The following ABCC9 variants were observed in gnomAD, a reference collection of about 807,000 sequenced individuals.
The protein encoded by ABCC9 is ATP-binding cassette sub-family C member 9.
In ABCC9, 95 loss-of-function variants were observed where a neutral mutation model predicts 188.3. The observed-to-expected ratio is 0.50, with a 90% CI of 0.43 to 0.60. The LOEUF (loss-of-function observed/expected upper bound fraction) is 0.60, where lower values mean the gene tolerates loss of function less well. Ranked by LOEUF, ABCC9 falls within the 20% of genes least tolerant of loss-of-function variation. The pLI, the probability that ABCC9 is intolerant of heterozygous loss-of-function variation, is 0.00. For synonymous variants in ABCC9, 659 were observed against 652.7 expected, an observed-to-expected ratio of 1.01 and a Z score of -0.15; for missense variants, 1,102 against 1,876.3, an observed-to-expected ratio of 0.59 and a Z score of 7.62.
At chr12:21,848,011 T>C (rs1944771547) in intron 25 of ABCC9, 139 bp downstream of exon 25, 2 of 718,986 alleles carry the variant, frequency 2.8e-6, no homozygotes, top group Non-Finnish European at 4.9e-6. Context: ...TCCTATTGTT[T>C]CCATTTTCAG....
At chr12:21,901,701 CAAAG>C (rs1173260255) in intron 12 of ABCC9, among the ~76,000 whole-genome samples, 5 of 152,194 alleles carry the variant, frequency 3.3e-5, no homozygotes, top group Non-Finnish European at 5.9e-5. Flanking sequence ...TCAAAAGAGA[CAAAG>C]AAGGCCATTA....
chr12:21,845,970 G>A (rs184937039), intron 25 of ABCC9, 138 bp from the exon 26 acceptor site: 42 of 719,800 alleles, frequency 5.8e-5, no homozygotes, highest in Non-Finnish European at 7.9e-5. Flanking sequence ...AATGCTTTTA[G>A]TAGGGCAAAC....
intron 16 of ABCC9, among the ~76,000 whole-genome samples, chr12:21,876,496 A>C (rs930899122): frequency 1.3e-5 from 2 of 152,232 alleles, no homozygotes; most frequent in African/African-American, 4.8e-5. Flanking sequence ...GTTAAAAAAA[A>C]AGAGTAAAGA....
chr12:21,899,306 C>T (rs536245826), intron 12 of ABCC9, among the ~76,000 whole-genome samples: 92 of 152,288 alleles, frequency 6.0e-4, no homozygotes, highest in African/African-American at 2.2e-3. Flanking sequence ...TAACATCACA[C>T]ATAAGAATGC....
intron 13 of ABCC9, among the ~76,000 whole-genome samples, chr12:21,894,396 A>C (rs1167096868): frequency 1.3e-5 from 2 of 152,168 alleles, no homozygotes; most frequent in African/African-American, 4.8e-5. Flanking sequence ...GAAAGTTAGA[A>C]AAAAATTCTA....
chr12:21,883,004 G>A, intron 15 of ABCC9, 131 bp from the exon 16 acceptor site: 1 of 719,754 alleles, frequency 1.4e-6, no homozygotes, highest in South Asian at 1.6e-5. Context: ...TTATTTCAGT[G>A]ACTCCTTCAT....
rs549625494 is a variant in ABCC9 at position 21,832,639 on chromosome 12, C to T, written c.3567-3579G>A. ...AATAAAAAAAAAAAATAGATATTGA[C>T]GTGGTGAAAAGGGAACACATTTACA... is the stretch of plus-strand genomic sequence containing the variant. On this transcript the variant is annotated intron_variant, in intron 30 of 39. Transcript: ENST00000261200. Among the ~76,000 whole-genome samples the T allele has an allele frequency of 4.1e-4, 63 of 151,854 alleles. No homozygotes were observed. In the South Asian group the frequency reaches 4.2e-3, roughly 10 times the overall value.
intron 5 of ABCC9, among the ~76,000 whole-genome samples, chr12:21,920,350 C>T (rs1178462266): frequency 6.6e-6 from 1 of 151,968 alleles, no homozygotes; most frequent in Non-Finnish European, 1.5e-5. Flanking sequence ...CTTAGGAAAC[C>T]TACAAAGCAA....
intron 36 of ABCC9, 74 bp from the exon 37 acceptor site, chr12:21,810,029 T>G: frequency 1.1e-6 from 1 of 934,780 alleles, no homozygotes; most frequent in Non-Finnish European, 1.7e-6. Context: ...CTTATTGCTT[T>G]TCTTTCCTTA....
chr12:21,939,356 A>G (rs1949610796), intron 2 of ABCC9, among the ~76,000 whole-genome samples: 1 of 152,148 alleles, frequency 6.6e-6, no homozygotes, highest in Non-Finnish European at 1.5e-5. Flanking sequence ...GCCAGCCTCC[A>G]TTACAACCCA....
At chr12:21,822,828 A>T (rs561168313) in intron 31 of ABCC9, among the ~76,000 whole-genome samples, 1 of 151,240 alleles carries the variant, frequency 6.6e-6, no homozygotes, top group East Asian at 1.9e-4. Context: ...TAGGTCTCCG[A>T]TGTTCACTTC....
chr12:21,902,916 G>A (rs150109644), intron 12 of ABCC9, among the ~76,000 whole-genome samples: 5,328 of 152,278 alleles, frequency 0.035, 120 homozygotes, highest in Middle Eastern at 0.12. Context: ...TAGAAAAAGA[G>A]GGAATCCTCG....
chr12:21,844,468 A>C lies in ABCC9; in HGVS notation c.3315+15T>G. 1 of 1,607,118 alleles carries C rather than the reference A, an allele frequency of 6.2e-7. No individual in the cohort carries two copies. The highest frequency in any genetic ancestry group is 8.5e-7 in the Non-Finnish European group (1 of 1,173,694). ...GAAACTAATTTTTGAACTTGGAAGT[A>C]ACCCAGTTACTCACCTGATCAATGA... On this transcript the variant is annotated intron_variant, in intron 28 of 39. Transcript: ENST00000261200.
intron 33 of ABCC9, among the ~76,000 whole-genome samples, chr12:21,816,572 C>T (rs1321178692): frequency 2.0e-5 from 3 of 151,960 alleles, no homozygotes; most frequent in Non-Finnish European, 4.4e-5. Flanking sequence ...GAAAAGAAAG[C>T]CTAGCATGTT....
At chr12:21,838,991 A>G (rs1944243569) in intron 29 of ABCC9, among the ~76,000 whole-genome samples, 1 of 152,160 alleles carries the variant, frequency 6.6e-6, no homozygotes, top group Non-Finnish European at 1.5e-5. Context: ...ACTCCACCGC[A>G]CTCCAGCCTG....
intron 12 of ABCC9, among the ~76,000 whole-genome samples, chr12:21,904,156 C>A (rs1947915312): frequency 9.1e-6 from 1 of 110,458 alleles, no homozygotes; most frequent in East Asian, 2.7e-4. Flanking sequence ...TTTGACAAAC[C>A]TGACAAAAAC....
Position 21,912,914 on chromosome 12 carries a change from C to T in ABCC9, c.969G>A (p.Gln323=), listed in dbSNP as rs748914473. The change falls in exon 8 of 40, where the codon CAG becomes CAA. Residue 323 remains glutamine (Q), a synonymous_variant. Transcript: ENST00000261200. The part of the protein sequence containing the change: ...AGPLCISGIV[Q]RVNETQNGTN... ...TCCCATTCTGGGTTTCATTCACACGCTGAACTATTCCAGAAATACAAAGAG... is the reference window on the plus strand; with the variant it reads ...TCCCATTCTGGGTTTCATTCACACGTTGAACTATTCCAGAAATACAAAGAG... 2 of 1,613,560 alleles carry T rather than the reference C, an allele frequency of 1.2e-6. No homozygotes were observed. Among genetic ancestry groups the T allele is most frequent in the Non-Finnish European group, 1.7e-6 (2 of 1,179,716 alleles).
chr12:21,859,568 G>A lies in ABCC9; in HGVS notation c.2505+18C>T. 6.2e-7 allele frequency: 1 copy of A among 1,610,336 alleles called. No individual in the cohort carries two copies. Among genetic ancestry groups the A allele is most frequent in the Non-Finnish European group, 8.5e-7 (1 of 1,176,666 alleles). On this transcript the variant is annotated intron_variant, in intron 22 of 39. Coordinates refer to ENST00000261200, the MANE Select transcript of ABCC9 (RefSeq NM_020297.4). ...TGGAAGAATGAAATAGAAATAAAAG[G>A]GAAGGCCATATTCTTACCAAAAAGA...
intron 4 of ABCC9, among the ~76,000 whole-genome samples, chr12:21,931,621 C>T (rs969212315): frequency 2.0e-5 from 3 of 152,122 alleles, no homozygotes; most frequent in Admixed American, 1.3e-4. Flanking sequence ...GAGGACCTGA[C>T]TGAATCTACA....
Sources: gnomAD v4.1 joint callset for allele counts (sites outside exome capture counted in the v4.1 genomes callset) on GRCh38, gnomAD v4.1.1 for gene constraint, MANE v1.5 for transcripts, NCBI Gene and HGNC (gene_info 2026-07-23, HGNC 2026-07-21) for gene names.